WWOX: variants seen among roughly 807,000 people sequenced by gnomAD.
WWOX encodes WW domain containing oxidoreductase, also known as WW domain-containing oxidoreductase.
Under a neutral mutation model 46.2 loss-of-function variants are expected in WWOX, and 69 were observed. The observed-to-expected ratio is 1.49, with a 90% CI of 1.23 to 1.82. The LOEUF (loss-of-function observed/expected upper bound fraction) is 1.82, where lower values mean the gene tolerates loss of function less well. Ranked by LOEUF, WWOX falls within the 40% of genes most tolerant of loss-of-function variation. The pLI, the probability that WWOX is intolerant of heterozygous loss-of-function variation, is 0.00. For synonymous variants in WWOX, 359 were observed against 202.6 expected, an observed-to-expected ratio of 1.77 and a Z score of -6.56; for missense variants, 919 against 542.6, an observed-to-expected ratio of 1.69 and a Z score of -6.89.
At chr16:79,120,000 G>A (rs1025166412) in intron 8 of WWOX, among the ~76,000 whole-genome samples, 5 of 152,180 alleles carry the variant, frequency 3.3e-5, no homozygotes, top group Non-Finnish European at 7.3e-5. Flanking sequence ...TCAGTGGCTG[G>A]ACAACATAAC....
intron 8 of WWOX, among the ~76,000 whole-genome samples, chr16:79,023,052 C>A (rs8047300): frequency 0.74 from 110,191 of 149,200 alleles, 40,242 homozygotes; most frequent in East Asian, 0.85. Flanking sequence ...ATTGAAAAAA[C>A]AAAAATAATA....
chr16:78,382,040 T>A lies in WWOX; in HGVS notation c.517-4820T>A, dbSNP rs564359584. On this transcript the variant is annotated intron_variant, in intron 5 of 8. Coordinates refer to ENST00000566780, the MANE Select transcript of WWOX (RefSeq NM_016373.4). Reference sequence around the variant, plus strand: ...CCCAGCCAGTTATATTTTAGATGCTTTTTTATATGGCCCATATTCATATGT... The same window carrying A: ...CCCAGCCAGTTATATTTTAGATGCTATTTTATATGGCCCATATTCATATGT... Among the ~76,000 whole-genome samples the A allele has an allele frequency of 8.1e-4, 124 of 152,244 alleles. 1 individual carries two copies. Among genetic ancestry groups the A allele is most frequent in the African/African-American group, 2.9e-3 (121 of 41,534 alleles).
intron 5 of WWOX, among the ~76,000 whole-genome samples, chr16:78,374,030 G>A (rs900093508): frequency 6.6e-6 from 1 of 152,220 alleles, no homozygotes; most frequent in Admixed American, 6.5e-5. Context: ...CAAGTGGTCT[G>A]CCCGCCTTGG....
intron 5 of WWOX, among the ~76,000 whole-genome samples, chr16:78,189,455 G>C (rs568314850): frequency 6.6e-6 from 1 of 152,278 alleles, no homozygotes; most frequent in African/African-American, 2.4e-5. Context: ...GTATGTCTTT[G>C]TAATAATGCT....
intron 8 of WWOX, among the ~76,000 whole-genome samples, chr16:78,725,324 TTTTTCTTTTC>T (rs1159824105): frequency 8.0e-6 from 1 of 125,734 alleles, no homozygotes; most frequent in Non-Finnish European, 1.6e-5. Context: ...TTTTTTTCCT[TTTTTCTTTTC>T]TTTTCTTTTC....
At chr16:79,007,589 G>C (rs1176166681) in intron 8 of WWOX, among the ~76,000 whole-genome samples, 6 of 152,210 alleles carry the variant, frequency 3.9e-5, no homozygotes, top group African/African-American at 7.2e-5. Flanking sequence ...ACTTTATATG[G>C]CAAAAGGGAA....
intron 8 of WWOX, among the ~76,000 whole-genome samples, chr16:78,491,094 C>T (rs578161517): frequency 6.6e-6 from 1 of 152,298 alleles, no homozygotes; most frequent in Middle Eastern, 3.4e-3. Context: ...GCTGTGCCCT[C>T]TCCCCGAGGC....
At chr16:78,212,146 C>T (rs1196385373) in intron 5 of WWOX, among the ~76,000 whole-genome samples, 3 of 152,184 alleles carry the variant, frequency 2.0e-5, no homozygotes, top group African/African-American at 4.8e-5. Context: ...GAGGCTAGCA[C>T]CTGGCCTCAG....
chr16:78,299,698 T>G (rs1288139434), intron 5 of WWOX, among the ~76,000 whole-genome samples: 8 of 152,012 alleles, frequency 5.3e-5, no homozygotes, highest in Middle Eastern at 6.8e-3. Context: ...CGCCTAATTT[T>G]TTGTATATTT....
At chr16:78,579,352 G>A (rs1463607209) in intron 8 of WWOX, among the ~76,000 whole-genome samples, 1 of 152,178 alleles carries the variant, frequency 6.6e-6, no homozygotes, top group Non-Finnish European at 1.5e-5. Flanking sequence ...AGGCAGGGCA[G>A]GCTCCAAAGG....
At chr16:78,120,616 A>C (rs1378347436) in intron 4 of WWOX, among the ~76,000 whole-genome samples, 1 of 152,138 alleles carries the variant, frequency 6.6e-6, no homozygotes, top group South Asian at 2.1e-4. Context: ...GAATCCCAAA[A>C]TGTAATTATA....
rs59012124 is a variant in WWOX at position 78,261,786 on chromosome 16, ATC to A, written c.516+97499_516+97500del. 8.1e-3 allele frequency among the ~76,000 whole-genome samples: 345 copies of A among 42,736 alleles called. 1 individual carries two copies. Among genetic ancestry groups the A allele is most frequent in the African/African-American group, 0.034 (261 of 7,736 alleles). 28.0% of individuals were successfully genotyped at this position (42,736 alleles called of 152,430 possible). A position where few individuals can be genotyped will look rare whatever the true frequency, so the allele number is the denominator to read the frequency against. ...TATCTATCTATGTATCTATCTATCT[ATC>A]TATATATATATATATATATATATAT... On this transcript the variant is annotated intron_variant, in intron 5 of 8. Transcript: ENST00000566780.
chr16:78,380,325 A>G (rs1029945603), intron 5 of WWOX, among the ~76,000 whole-genome samples: 2 of 152,146 alleles, frequency 1.3e-5, no homozygotes. Flanking sequence ...CTTTGCAGTT[A>G]TTATCTTGAT....
intron 8 of WWOX, among the ~76,000 whole-genome samples, chr16:78,539,731 C>T (rs2667634): frequency 3.9e-5 from 6 of 151,936 alleles, no homozygotes; most frequent in Admixed American, 2.6e-4. Context: ...AGAGGCAGCT[C>T]ATAATTAGTA....
intron 8 of WWOX, among the ~76,000 whole-genome samples, chr16:78,987,909 C>T (rs541246981): frequency 2.0e-5 from 3 of 152,080 alleles, no homozygotes; most frequent in East Asian, 1.9e-4. Context: ...CCACAGGTCT[C>T]GTCATGTCCC....
intron 8 of WWOX, among the ~76,000 whole-genome samples, chr16:78,876,180 A>G (rs1318586944): frequency 6.6e-6 from 1 of 151,028 alleles, no homozygotes; most frequent in Non-Finnish European, 1.5e-5. Flanking sequence ...CGTTTTAACA[A>G]CGGAAAACAC....
intron 5 of WWOX, among the ~76,000 whole-genome samples, chr16:78,386,031 C>G (rs985250939): frequency 1.3e-5 from 2 of 152,192 alleles, no homozygotes; most frequent in Admixed American, 6.5e-5. Flanking sequence ...TGCTTCAAAT[C>G]CCGACCTCTC....
intron 6 of WWOX, among the ~76,000 whole-genome samples, chr16:78,398,075 T>C (rs971545022): frequency 1.6e-4 from 25 of 152,342 alleles, no homozygotes; most frequent in African/African-American, 6.0e-4. Context: ...TGTCTTCAAA[T>C]TGATGCTTAT....
intron 8 of WWOX, among the ~76,000 whole-genome samples, chr16:78,670,886 C>T (rs2047447161): frequency 6.6e-6 from 1 of 151,738 alleles, no homozygotes; most frequent in African/African-American, 2.4e-5. Flanking sequence ...TTAGGGTGGG[C>T]CCTACATCCA....
Sources: gnomAD v4.1 joint callset for allele counts (sites outside exome capture counted in the v4.1 genomes callset) on GRCh38, gnomAD v4.1.1 for gene constraint, MANE v1.5 for transcripts, NCBI Gene and HGNC (gene_info 2026-07-23, HGNC 2026-07-21) for gene names.